PRKG1: variants seen among roughly 807,000 people sequenced by gnomAD.
PRKG1 encodes protein kinase cGMP-dependent 1, also known as cGMP-dependent protein kinase 1.
A neutral mutation model predicts 88.1 loss-of-function variants in PRKG1; 35 were observed. That is an observed-to-expected ratio of 0.40 (90% CI 0.30 to 0.53). PRKG1 has a LOEUF of 0.53. PRKG1 is among the 20% of genes least tolerant of loss of function. The pLI, the probability that PRKG1 is intolerant of heterozygous loss-of-function variation, is 0.59. For synonymous variants in PRKG1, 303 were observed against 292.5 expected (o/e 1.04, Z -0.37); for missense variants, 540 against 839.8 (o/e 0.64, Z 4.41).
intron 3 of PRKG1, among the ~76,000 whole-genome samples, chr10:51,763,359 G>C (rs1262450700): frequency 6.6e-6 from 1 of 151,962 alleles, no homozygotes; most frequent in Non-Finnish European, 1.5e-5. Context: ...AGCCTCCCAA[G>C]TAGCTGGGGC....
At chr10:51,366,033 A>G (rs1842582865) in intron 2 of PRKG1, among the ~76,000 whole-genome samples, 1 of 151,950 alleles carries the variant, frequency 6.6e-6, no homozygotes, top group South Asian at 2.1e-4. Flanking sequence ...ATTTATATTT[A>G]AGGGAAAAGA....
At chr10:51,074,456 C>A, upstream of PRKG1, 1 of 1,458,758 alleles carries the variant, frequency 6.9e-7, no homozygotes, top group Non-Finnish European at 9.1e-7. Flanking sequence ...GAAGCCAGGG[C>A]TGGCTTTGGT....
chr10:51,636,617 G>GA (rs1460685484), intron 3 of PRKG1, among the ~76,000 whole-genome samples: 1 of 152,148 alleles, frequency 6.6e-6, no homozygotes, highest in Non-Finnish European at 1.5e-5. Flanking sequence ...ATTTCACATG[G>GA]AATGATGAGC....
At chr10:51,537,846 T>A (rs1564540092) in intron 3 of PRKG1, among the ~76,000 whole-genome samples, 1 of 152,124 alleles carries the variant, frequency 6.6e-6, no homozygotes, top group Non-Finnish European at 1.5e-5. Flanking sequence ...CAGGTAATAT[T>A]TAAATCTCTT....
intron 9 of PRKG1, among the ~76,000 whole-genome samples, chr10:52,170,897 A>G (rs1362234926): frequency 6.6e-6 from 1 of 152,142 alleles, no homozygotes; most frequent in Non-Finnish European, 1.5e-5. Flanking sequence ...TTCAGACAGA[A>G]CGGCTGCTGT....
At chr10:51,542,314 G>T (rs536310647) in intron 3 of PRKG1, among the ~76,000 whole-genome samples, 4 of 152,216 alleles carry the variant, frequency 2.6e-5, no homozygotes, top group African/African-American at 4.8e-5. Context: ...TCCGTGTCTT[G>T]TAAGTCCTGC....
chr10:52,012,780 A>G (rs1221833243), intron 5 of PRKG1, among the ~76,000 whole-genome samples: 3 of 152,170 alleles, frequency 2.0e-5, no homozygotes, highest in Non-Finnish European at 4.4e-5. Flanking sequence ...GTTAATTCCT[A>G]TGGGATATAT....
At chr10:52,150,177 A>ATTATTATTATT (rs1554810273) in intron 8 of PRKG1, among the ~76,000 whole-genome samples, 213 of 106,764 alleles carry the variant, frequency 2.0e-3, no homozygotes, top group African/African-American at 4.6e-3. Flanking sequence ...TAATAATAAT[A>ATTATTATTATT]ATAATAATTT....
At chr10:51,354,067 C>T (rs1339516691) in intron 2 of PRKG1, among the ~76,000 whole-genome samples, 2 of 151,960 alleles carry the variant, frequency 1.3e-5, no homozygotes, top group East Asian at 1.9e-4. Flanking sequence ...AACATATATT[C>T]TCACTTATTT....
intron 3 of PRKG1, among the ~76,000 whole-genome samples, chr10:51,499,455 A>G (rs1840958293): frequency 6.6e-6 from 1 of 152,228 alleles, no homozygotes; most frequent in Admixed American, 6.5e-5. Context: ...TGAGTTTTAA[A>G]TCATCTAGTG....
At chr10:51,590,813 TGGG>T (rs10714818) in intron 3 of PRKG1, among the ~76,000 whole-genome samples, 1 of 147,514 alleles carries the variant, frequency 6.8e-6, no homozygotes, top group African/African-American at 2.5e-5. Context: ...CATTTCGATA[TGGG>T]GGGGGTGGGG....
chr10:51,689,413 G>A (rs1042968361), intron 3 of PRKG1, among the ~76,000 whole-genome samples: 1 of 152,072 alleles, frequency 6.6e-6, no homozygotes, highest in African/African-American at 2.4e-5. Flanking sequence ...AACCAGCATA[G>A]ATTTGTTTGG....
chr10:51,940,087 G>T (rs1308906087), intron 5 of PRKG1, among the ~76,000 whole-genome samples: 4 of 151,740 alleles, frequency 2.6e-5, no homozygotes, highest in Non-Finnish European at 5.9e-5. Context: ...TCAGGTAATT[G>T]GTCATTCTCT....
chr10:51,842,960 G>C (rs186333221), intron 4 of PRKG1, among the ~76,000 whole-genome samples: 1 of 151,766 alleles, frequency 6.6e-6, no homozygotes, highest in African/African-American at 2.4e-5. Context: ...AATATGAACA[G>C]AACTTTGTTT....
intron 3 of PRKG1, among the ~76,000 whole-genome samples, chr10:51,585,030 T>C (rs939947235): frequency 4.6e-5 from 7 of 152,070 alleles, no homozygotes; most frequent in African/African-American, 1.4e-4. Context: ...ATTAGCAAAA[T>C]GCATGATAAA....
intron 2 of PRKG1, among the ~76,000 whole-genome samples, chr10:51,411,886 A>G (rs1024169096): frequency 1.2e-4 from 18 of 152,170 alleles, no homozygotes; most frequent in Non-Finnish European, 2.4e-4. Flanking sequence ...TTGTGGCTGG[A>G]AAACACATTG....
intron 3 of PRKG1, chr10:51,698,065 G>C: frequency 6.2e-7 from 1 of 1,613,994 alleles, no homozygotes; most frequent in Non-Finnish European, 8.5e-7. Context: ...AAATGCCTGG[G>C]ACCTGTCTGG....
intron 1 of PRKG1, among the ~76,000 whole-genome samples, chr10:51,057,903 A>T (rs1374144933): frequency 6.6e-6 from 1 of 152,048 alleles, no homozygotes; most frequent in Non-Finnish European, 1.5e-5. Flanking sequence ...AGATTATGGG[A>T]TAGCCATATA....
At chr10:51,724,131 T>C (rs1416933429) in intron 3 of PRKG1, among the ~76,000 whole-genome samples, 1 of 152,088 alleles carries the variant, frequency 6.6e-6, no homozygotes, top group Non-Finnish European at 1.5e-5. Context: ...AAAAAGCAGG[T>C]GAAAAATACA....
Sources: allele counts gnomAD v4.1 joint callset (sites outside exome capture counted in the v4.1 genomes callset), GRCh38; gene constraint gnomAD v4.1.1; transcripts MANE v1.5; gene names NCBI Gene and HGNC (gene_info 2026-07-23, HGNC 2026-07-21).